The following IL16 variants were observed in gnomAD, a reference collection of about 807,000 sequenced individuals.
The protein encoded by IL16 is pro-interleukin-16.
In IL16, 67 loss-of-function variants were observed where a neutral mutation model predicts 110.1. The ratio of observed to expected loss-of-function variants is 0.61; its 90% CI spans 0.50 to 0.75. The LOEUF (loss-of-function observed/expected upper bound fraction) is 0.75. IL16 is among the 30% of genes least tolerant of loss of function. The pLI, the probability that IL16 is intolerant of heterozygous loss-of-function variation, is 0.00. For synonymous variants in IL16, 689 were observed against 662.9 expected (o/e 1.04, Z -0.61); for missense variants, 1,545 against 1,655.0 (o/e 0.93, Z 1.15).
In IL16 at chr15:81,303,571, C is replaced by T; in HGVS notation, c.3341C>T (p.Thr1114Ile). The change falls in exon 16 of 19, where the codon ACC (threonine) becomes ATC (isoleucine). Residue 1114 changes from threonine (T) to isoleucine (I), a missense_variant. By Grantham distance (89) the Thr-to-Ile change is moderately conservative (BLOSUM62 -1). Transcript: ENST00000683961. The surrounding 1 kb of genome is among the most constrained non-coding windows in gnomAD (Gnocchi z 4.1). ...CAGCAATTAGACGGCATCCATGTCA[C>T]CATCTTACACAAGGAGGAAGGTGCT... ...TLKQLDGIHVTILHKEEGAGL... is the reference protein window; with the variant it reads ...TLKQLDGIHVIILHKEEGAGL... The T allele has an allele frequency of 6.2e-7, 1 of 1,613,428 alleles. No homozygotes were observed. The highest frequency in any genetic ancestry group is 2.2e-5 in the East Asian group (1 of 44,888).
At chr15:81,245,334 T>C (rs866622524) in intron 2 of IL16, among the ~76,000 whole-genome samples, 5 of 152,218 alleles carry the variant, frequency 3.3e-5, no homozygotes, top group Non-Finnish European at 7.3e-5. Context: ...CCACCATTTG[T>C]TACTGCCAGG....
intron 15 of IL16, chr15:81,301,943 T>C (rs1403068045): frequency 6.4e-6 from 1 of 155,090 alleles, no homozygotes; most frequent in African/African-American, 2.4e-5. Context: ...CCACTGTGCA[T>C]GGAGAGGTGG....
intron 6 of IL16, among the ~76,000 whole-genome samples, chr15:81,278,597 AC>A (rs1377850012): frequency 2.6e-5 from 4 of 152,136 alleles, no homozygotes; most frequent in Admixed American, 2.6e-4. Context: ...CTGGCTAAGA[AC>A]CCTGGGTTTC....
At chr15:81,255,627 C>T (rs1232977232) in intron 2 of IL16, among the ~76,000 whole-genome samples, 2 of 152,228 alleles carry the variant, frequency 1.3e-5, no homozygotes, top group Non-Finnish European at 2.9e-5. Context: ...GAGACTGAGC[C>T]ACTGAAATGT....
rs988085164 is a variant in IL16 at position 81,311,017 on chromosome 15, G to A, written c.*2219G>A. 1.3e-5 allele frequency: 2 copies of A among 152,208 alleles called. No homozygotes were observed. Among genetic ancestry groups the A allele is most frequent in the Non-Finnish European group, 2.9e-5 (2 of 68,036 alleles). The allele number at this position is 152,208 out of a possible 1,614,324, so 9.4% of individuals were successfully genotyped here. ...CACTGAAGATATAACTATTGCCCAG[G>A]TTTCTGGTCTCTAGGCTGGGGAAGT... On this transcript the variant is annotated 3_prime_UTR_variant, in exon 19 of 19. Coordinates refer to ENST00000683961, the MANE Select transcript of IL16 (RefSeq NM_172217.5).
intron 3 of IL16, among the ~76,000 whole-genome samples, 190 bp from the exon 4 acceptor site, chr15:81,265,469 C>A (rs1317483381): frequency 6.6e-6 from 1 of 152,146 alleles, no homozygotes; most frequent in African/African-American, 2.4e-5. Flanking sequence ...AGACAGCATG[C>A]GTGGAGATCA....
intron 1 of IL16, among the ~76,000 whole-genome samples, chr15:81,217,591 C>A (rs1189884695): frequency 6.6e-6 from 1 of 152,138 alleles, no homozygotes; most frequent in Non-Finnish European, 1.5e-5. Context: ...AGATGGCAGA[C>A]CATTCCTATT....
chr15:81,275,058 G>A (rs1898834096), intron 6 of IL16, among the ~76,000 whole-genome samples: 1 of 152,040 alleles, frequency 6.6e-6, no homozygotes, highest in African/African-American at 2.4e-5. Flanking sequence ...AGGTCGCAAA[G>A]GGCGGGGCGG....
intron 2 of IL16, among the ~76,000 whole-genome samples, chr15:81,241,100 G>T (rs1897322738): frequency 6.6e-6 from 1 of 151,938 alleles, no homozygotes; most frequent in Non-Finnish European, 1.5e-5. Flanking sequence ...CAGAATTCAG[G>T]TTTCCTCTTA....
At chr15:81,195,828 G>A (rs148217713), upstream of IL16, among the ~76,000 whole-genome samples, 8 of 152,276 alleles carry the variant, frequency 5.3e-5, no homozygotes, top group Non-Finnish European at 7.3e-5. Flanking sequence ...TGCTCTTTGC[G>A]GGGCAGATGG....
At chr15:81,243,451 C>A (rs1235584760) in intron 2 of IL16, among the ~76,000 whole-genome samples, 9 of 151,780 alleles carry the variant, frequency 5.9e-5, no homozygotes, top group Non-Finnish European at 1.2e-4. Context: ...TCCCAAAGTG[C>A]TGTTGTTATA....
intron 2 of IL16, among the ~76,000 whole-genome samples, chr15:81,249,280 A>G (rs1595991893): frequency 6.6e-6 from 1 of 151,802 alleles, no homozygotes; most frequent in East Asian, 1.9e-4. Context: ...CTGAATATCA[A>G]CTCTTTCTTT....
At position 81,293,030 on chromosome 15, in the gene IL16, G is replaced by A. The variant is rs778862727; in HGVS notation, c.1895G>A (p.Cys632Tyr). Residue 632 changes from cysteine to tyrosine, a missense_variant, in exon 12 of 19, where the codon TGT (cysteine) becomes TAT (tyrosine). Physicochemically the swap from Cys to Tyr is radical, Grantham distance 194. Coordinates refer to ENST00000683961, the MANE Select transcript of IL16 (RefSeq NM_172217.5). ...TCTTCTGGGCACACCCCACCCACCT[G>A]TGGCCAGGTAAGAGGATGGGTCCAC... ...SCSSGHTPPT[C>Y]GQEARELLPL... The A allele has an allele frequency of 4.4e-6, 7 of 1,604,954 alleles. No homozygotes were observed. The African/African-American group carries it at 8.0e-5, about 18-fold the overall frequency.
Position 81,292,602 on chromosome 15 carries a change from G to A in IL16, c.1467G>A (p.Glu489=). ...ESSWHGRPTL[E]KEREKNSAPP... ...GTTGGCACGGGCGGCCCACCTTGGA[G>A]AAGGAACGAGAGAAGAACTCAGCAC... Residue 489 remains glutamate, a synonymous_variant, in exon 12 of 19, where the codon GAG becomes GAA. Transcript: ENST00000683961. 3 of 1,606,264 alleles carry A rather than the reference G, an allele frequency of 1.9e-6. No individual in the cohort carries two copies. Among genetic ancestry groups the A allele is most frequent in the East Asian group, 2.2e-5 (1 of 44,634 alleles).
chr15:81,264,088 G>C (rs956872646), intron 3 of IL16, among the ~76,000 whole-genome samples: 1 of 152,124 alleles, frequency 6.6e-6, no homozygotes, highest in Non-Finnish European at 1.5e-5. Context: ...TAAACACTCC[G>C]GATAAATATA....
chr15:81,191,438 T>C (rs1376394107), intron 1 of IL16, among the ~76,000 whole-genome samples: 1 of 152,248 alleles, frequency 6.6e-6, no homozygotes, highest in Non-Finnish European at 1.5e-5. Context: ...TAGTCATTTA[T>C]TCATTCATTT....
intron 1 of IL16, among the ~76,000 whole-genome samples, chr15:81,206,866 A>G (rs200524508): frequency 0.034 from 5,184 of 150,980 alleles, 255 homozygotes; most frequent in East Asian, 0.25. Flanking sequence ...GGCTTTAAAT[A>G]ATGATGATGA....
intron 1 of IL16, among the ~76,000 whole-genome samples, chr15:81,218,234 A>G (rs1896498453): frequency 6.6e-6 from 1 of 152,186 alleles, no homozygotes; most frequent in Admixed American, 6.5e-5. Context: ...ATTAGAAAAT[A>G]TATTTTACAA....
chr15:81,267,218 C>T (rs1405893119), intron 4 of IL16, among the ~76,000 whole-genome samples: 1 of 152,112 alleles, frequency 6.6e-6, no homozygotes, highest in Non-Finnish European at 1.5e-5. Context: ...GCCTACCTGG[C>T]CAGCAGGGAT....
Sources: gnomAD v4.1 joint callset for allele counts (sites outside exome capture counted in the v4.1 genomes callset) on GRCh38, gnomAD v4.1.1 for gene constraint, Gnocchi (gnomAD v3.1) non-coding constraint, MANE v1.5 for transcripts, NCBI Gene and HGNC (gene_info 2026-07-23, HGNC 2026-07-21) for gene names.